Variants in WNK2 observed in about 807,000 individuals in gnomAD.
The protein encoded by WNK2 is WNK lysine deficient protein kinase 2, also known as serine/threonine-protein kinase WNK2.
WNK2 carries 67 observed loss-of-function variants against 192.1 expected under a neutral mutation model. The ratio of observed to expected loss-of-function variants is 0.35; its 90% CI spans 0.29 to 0.43. The LOEUF is 0.43. Ranked by LOEUF, WNK2 falls within the 20% of genes least tolerant of loss-of-function variation. The probability of loss-of-function intolerance (pLI) is 1.00; values close to 1 mark genes in which losing one functional copy is unlikely to be tolerated. For missense variants in WNK2, 2,698 were observed against 3,089.7 expected (o/e 0.87, Z 3.01); for synonymous variants, 1,439 against 1,393.9 (o/e 1.03, Z -0.72).
chr9:93,214,253 TAA>T (rs1835292222), intron 2 of WNK2, among the ~76,000 whole-genome samples: 2 of 152,036 alleles, frequency 1.3e-5, no homozygotes, highest in Non-Finnish European at 2.9e-5. Flanking sequence ...AATTTGAGAT[TAA>T]TAGTTTTTTT....
rs552992364 is a variant in WNK2 at position 93,291,026 on chromosome 9, G to A, written c.4936+979G>A. On this transcript the variant is annotated intron_variant, in intron 21 of 29. Coordinates refer to ENST00000427277, the MANE Select transcript of WNK2 (RefSeq NM_006648.4). ...CCGCAGGCGGGACCCCGTAGTCCCA[G>A]GCCACATTTATTTCTAGACGCCAGA... 3.4e-4 allele frequency among the ~76,000 whole-genome samples: 52 copies of A among 152,348 alleles called. No individual in the cohort carries two copies. The South Asian group carries it at 5.8e-3, about 17-fold the overall frequency.
At chr9:93,252,167 A>T (rs1842684626) in intron 8 of WNK2, among the ~76,000 whole-genome samples, 1 of 152,150 alleles carries the variant, frequency 6.6e-6, no homozygotes, top group African/African-American at 2.4e-5. Context: ...CAGGCTGAAG[A>T]TGTTCCCAGG....
intron 19 of WNK2, among the ~76,000 whole-genome samples, chr9:93,280,794 C>CTAAA (rs1175319957): frequency 6.6e-6 from 1 of 152,196 alleles, no homozygotes; most frequent in Non-Finnish European, 1.5e-5. Flanking sequence ...AGCTTCCAAA[C>CTAAA]TTTTAAAGAA....
At position 93,289,024 on chromosome 9, in the gene WNK2, C is replaced by T; in HGVS notation, c.4270C>T (p.Gln1424Ter). ...CCAGGCAGGGGGTCCAGGGACACCTCAGGGGCTGACCAGTGAGCTCGAGAC... is the reference window on the plus strand; with the variant it reads ...CCAGGCAGGGGGTCCAGGGACACCTTAGGGGCTGACCAGTGAGCTCGAGAC... ...ASQAGGPGTP[Q>*]GLTSELETSQ... is the part of the protein sequence containing the mutation. Residue 1424 changes from glutamine (Q) to a stop codon, truncating the protein, a stop_gained, in exon 20 of 30, where the codon CAG (glutamine) becomes TAG (stop). Coordinates refer to ENST00000427277, the MANE Select transcript of WNK2 (RefSeq NM_006648.4). LOFTEE classifies it high-confidence loss of function. 6.2e-7 allele frequency: 1 copy of T among 1,604,638 alleles called. No individual in the cohort carries two copies. The highest frequency in any genetic ancestry group is 8.5e-7 in the Non-Finnish European group (1 of 1,175,926).
chr9:93,294,044 G>C (rs1481717215), intron 23 of WNK2, among the ~76,000 whole-genome samples: 1 of 152,088 alleles, frequency 6.6e-6, no homozygotes, highest in Non-Finnish European at 1.5e-5. Flanking sequence ...CGGCTGGGGG[G>C]TTACTGGGAT....
At chr9:93,196,741 C>A (rs1831347944) in intron 2 of WNK2, among the ~76,000 whole-genome samples, 1 of 152,178 alleles carries the variant, frequency 6.6e-6, no homozygotes, top group Non-Finnish European at 1.5e-5. Context: ...AGGTTATGAT[C>A]TGTTCTCTGG....
At chr9:93,236,351 A>C (rs986841558) in intron 5 of WNK2, among the ~76,000 whole-genome samples, 1 of 152,140 alleles carries the variant, frequency 6.6e-6, no homozygotes, top group Non-Finnish European at 1.5e-5. Flanking sequence ...TGTCTGCCCC[A>C]GGCTGGGGGC....
At chr9:93,306,578 G>A (rs931168701) in intron 26 of WNK2, 199 bp from the exon 27 acceptor site, 6 of 624,428 alleles carry the variant, frequency 9.6e-6, no homozygotes, top group African/African-American at 1.8e-5. Flanking sequence ...CTGCCCCCTC[G>A]GCGAAGCTCG....
chr9:93,286,219 C>T (rs923015839), intron 19 of WNK2, among the ~76,000 whole-genome samples: 4 of 152,132 alleles, frequency 2.6e-5, no homozygotes, highest in African/African-American at 9.7e-5. Flanking sequence ...CACCACTAAT[C>T]GAGCACATAG....
At chr9:93,200,406 G>A (rs1832120863) in intron 2 of WNK2, among the ~76,000 whole-genome samples, 1 of 152,244 alleles carries the variant, frequency 6.6e-6, no homozygotes. Context: ...CGTTCTGCAT[G>A]TTCCCTCAAG....
chr9:93,188,314 G>C (rs1185881298), intron 2 of WNK2, among the ~76,000 whole-genome samples: 1 of 152,194 alleles, frequency 6.6e-6, no homozygotes, highest in Non-Finnish European at 1.5e-5. Context: ...TGCCAGACGG[G>C]AGAAACGCCT....
In WNK2 at chr9:93,256,431, C is replaced by A; in HGVS notation, c.2167C>A (p.Gln723Lys). 6.5e-7 allele frequency: 1 copy of A among 1,533,716 alleles called. No individual in the cohort carries two copies. Among genetic ancestry groups the A allele is most frequent in the Non-Finnish European group, 8.7e-7 (1 of 1,145,286 alleles). ...CACCCCCATGCCCACGGGCCCAGGC[C>A]AGCCAGCACCCCCCGGCCAGCAGGT... ...PSTPMPTGPG[Q>K]PAPPGQQPPP... The change falls in exon 10 of 30, where the codon CAG becomes AAG. Residue 723 changes from glutamine to lysine, a missense_variant. By Grantham distance (53) the Gln-to-Lys change is moderately conservative. Coordinates refer to ENST00000427277, the MANE Select transcript of WNK2 (RefSeq NM_006648.4).
intron 23 of WNK2, among the ~76,000 whole-genome samples, chr9:93,297,387 C>T (rs145271912): frequency 0.014 from 2,136 of 152,334 alleles, 34 homozygotes; most frequent in Middle Eastern, 0.031. Context: ...GAGCGTCTCG[C>T]TGACTTCTTC....
intron 2 of WNK2, among the ~76,000 whole-genome samples, chr9:93,215,504 A>G (rs971153758): frequency 6.6e-6 from 1 of 152,150 alleles, no homozygotes; most frequent in Non-Finnish European, 1.5e-5. Context: ...TTTGTCTTCT[A>G]TAAGTTTTAA....
chr9:93,206,158 T>G (rs1833340657), intron 2 of WNK2, among the ~76,000 whole-genome samples: 1 of 152,240 alleles, frequency 6.6e-6, no homozygotes, highest in African/African-American at 2.4e-5. Flanking sequence ...TCTCCTGTCC[T>G]CCCTGCCAAG....
At chr9:93,318,054 A>G (rs780194122) in intron 29 of WNK2, 13 of 1,611,796 alleles carry the variant, frequency 8.1e-6, no homozygotes, top group Non-Finnish European at 1.0e-5. Context: ...CGCCGTCTCC[A>G]CACCCACTTC....
chr9:93,200,609 G>C (rs867395658), intron 2 of WNK2, among the ~76,000 whole-genome samples: 4 of 152,186 alleles, frequency 2.6e-5, no homozygotes, highest in African/African-American at 9.7e-5. Flanking sequence ...TGGCACCCTC[G>C]TTTGCGGCTG....
In WNK2 at chr9:93,317,859, C is replaced by T. The variant is rs550418732; in HGVS notation, c.6628+228C>T. 71 of 1,552,198 alleles carry T rather than the reference C, an allele frequency of 4.6e-5. No homozygotes were observed. The Admixed American group carries it at 1.3e-3, about 28-fold the overall frequency. The stretch of plus-strand genomic sequence containing the variant: ...GCTGCGGATCACGTAGCCTTCTGCC[C>T]TGTCCCTTGCCAGATGGCGCCCTCG... On this transcript the variant is annotated intron_variant, in intron 29 of 29. Transcript: ENST00000427277.
chr9:93,265,502 A>G (rs921714915), intron 16 of WNK2, among the ~76,000 whole-genome samples: 1 of 152,240 alleles, frequency 6.6e-6, no homozygotes, highest in Non-Finnish European at 1.5e-5. Context: ...CGCTTTGGTC[A>G]GGGAGGAGTC....
Sources: allele counts gnomAD v4.1 joint callset (sites outside exome capture counted in the v4.1 genomes callset), GRCh38; gene constraint gnomAD v4.1.1; transcripts MANE v1.5; gene names NCBI Gene and HGNC (gene_info 2026-07-23, HGNC 2026-07-21).